Variants in MAGI2 observed in about 807,000 individuals in gnomAD.
MAGI2 encodes the protein membrane associated guanylate kinase, WW and PDZ domain containing 2.
MAGI2 carries 35 observed loss-of-function variants against 133.3 expected under a neutral mutation model. The ratio of observed to expected loss-of-function variants is 0.26; its 90% CI spans 0.20 to 0.35. The LOEUF is 0.35. Ranked by LOEUF, MAGI2 falls within the 10% of genes least tolerant of loss-of-function variation. The probability of loss-of-function intolerance (pLI) is 1.00; values close to 1 mark genes in which losing one functional copy is unlikely to be tolerated. For synonymous variants in MAGI2, 729 were observed against 710.6 expected, an observed-to-expected ratio of 1.03 and a Z score of -0.41; for missense variants, 1,636 against 1,863.4, an observed-to-expected ratio of 0.88 and a Z score of 2.25.
chr7:79,210,098 T>C (rs1248767835), intron 1 of MAGI2, among the ~76,000 whole-genome samples: 4 of 152,178 alleles, frequency 2.6e-5, no homozygotes, highest in Admixed American at 1.3e-4. Context: ...TCTTTCTCTT[T>C]TGATTTCATG....
chr7:79,101,428 G>A (rs1817956752), intron 1 of MAGI2, among the ~76,000 whole-genome samples: 1 of 152,048 alleles, frequency 6.6e-6, no homozygotes, highest in Non-Finnish European at 1.5e-5. Context: ...GATGGTTTTA[G>A]AAAAAGGAAA....
At chr7:78,555,200 G>GGATGGATAGATA (rs1319456396) in intron 3 of MAGI2, among the ~76,000 whole-genome samples, 1,770 of 92,698 alleles carry the variant, frequency 0.019, 17 homozygotes, top group Non-Finnish European at 0.03. Context: ...TTGGATGGAT[G>GGATGGATAGATA]GATAGATAGA....
intron 6 of MAGI2, among the ~76,000 whole-genome samples, chr7:78,478,159 T>G (rs561258443): frequency 1.1e-4 from 16 of 151,860 alleles, no homozygotes; most frequent in African/African-American, 3.6e-4. Context: ...CACTTATGAG[T>G]GATTTGGTAT....
At chr7:79,329,504 T>C (rs1326376848) in intron 1 of MAGI2, among the ~76,000 whole-genome samples, 1 of 152,236 alleles carries the variant, frequency 6.6e-6, no homozygotes, top group Non-Finnish European at 1.5e-5. Flanking sequence ...TAGTATGACT[T>C]CTTAGTATGG....
chr7:78,964,930 G>T (rs912388175), intron 2 of MAGI2, among the ~76,000 whole-genome samples: 1 of 151,790 alleles, frequency 6.6e-6, no homozygotes, highest in Non-Finnish European at 1.5e-5. Context: ...TGGAGTAAAG[G>T]CTTATTTCTT....
chr7:79,007,923 C>A (rs1353944020), intron 1 of MAGI2, among the ~76,000 whole-genome samples: 1 of 151,172 alleles, frequency 6.6e-6, no homozygotes, highest in Non-Finnish European at 1.5e-5. Context: ...TCAATTCAAA[C>A]AATTTTGCGA....
chr7:78,642,499 G>GTAA (rs755086658), intron 2 of MAGI2, among the ~76,000 whole-genome samples: 28 of 152,218 alleles, frequency 1.8e-4, no homozygotes, highest in Middle Eastern at 3.4e-3. Context: ...AATATATTCA[G>GTAA]TAATCATTTA....
At position 78,079,201 on chromosome 7, in the gene MAGI2, G is replaced by T. The variant is rs1815695346; in HGVS notation, c.3568-116C>A. Reference sequence around the variant, plus strand: ...CTGAGAGCATCCGAACAATTTGGTGGCAGCCTGCTGCTTTTTGGAAGAGGC... The same window carrying T: ...CTGAGAGCATCCGAACAATTTGGTGTCAGCCTGCTGCTTTTTGGAAGAGGC... On this transcript the variant is annotated intron_variant, in intron 20 of 21. Coordinates refer to ENST00000354212, the MANE Select transcript of MAGI2 (RefSeq NM_012301.4). The T allele has an allele frequency of 9.6e-6, 9 of 936,038 alleles. No individual in the cohort carries two copies. The South Asian group carries it at 1.0e-4, about 11-fold the overall frequency. The allele number at this position is 936,038 out of a possible 1,614,324, so 58.0% of individuals were successfully genotyped here.
intron 1 of MAGI2, among the ~76,000 whole-genome samples, chr7:79,089,891 T>C (rs1299357357): frequency 6.6e-6 from 1 of 151,916 alleles, no homozygotes; most frequent in Admixed American, 6.6e-5. Context: ...ATACCTAATG[T>C]AGATGATGGG....
chr7:79,396,160 G>T (rs1229897907), intron 1 of MAGI2, among the ~76,000 whole-genome samples: 3 of 151,968 alleles, frequency 2.0e-5, no homozygotes, highest in Non-Finnish European at 4.4e-5. Context: ...CTCATAACTA[G>T]ATTGCATTTG....
At chr7:79,417,318 C>T (rs182604114) in intron 1 of MAGI2, among the ~76,000 whole-genome samples, 2 of 152,222 alleles carry the variant, frequency 1.3e-5, no homozygotes, top group Admixed American at 1.3e-4. Flanking sequence ...CAGAGCTCTC[C>T]TCCATTGATA....
chr7:78,171,889 GT>G (rs889314720), intron 14 of MAGI2, among the ~76,000 whole-genome samples: 24 of 88,552 alleles, frequency 2.7e-4, no homozygotes, highest in African/African-American at 1.2e-3. Flanking sequence ...GGGTTTTTTT[GT>G]TTGTTTGTTT....
chr7:78,505,084 T>G (rs1794967082), intron 4 of MAGI2, among the ~76,000 whole-genome samples: 2 of 152,164 alleles, frequency 1.3e-5, no homozygotes, highest in Admixed American at 1.3e-4. Context: ...GGAAGAAGTT[T>G]CTTTTACATA....
rs190240438 is a variant in MAGI2 at position 78,288,381 on chromosome 7, T to G, written c.1409-31800A>C. Among the ~76,000 whole-genome samples, 6 of 152,334 alleles carry G rather than the reference T, an allele frequency of 3.9e-5. No homozygotes were observed. The East Asian group carries it at 1.2e-3, about 29-fold the overall frequency. On this transcript the variant is annotated intron_variant, in intron 9 of 21. Coordinates refer to ENST00000354212, the MANE Select transcript of MAGI2 (RefSeq NM_012301.4). ...AACAATATTAACAGTAATTCAAAATTAAAGTAATCATGTACTGTTTAACTT... is the reference window on the plus strand; with the variant it reads ...AACAATATTAACAGTAATTCAAAATGAAAGTAATCATGTACTGTTTAACTT...
chr7:78,110,052 C>T (rs962562425), intron 20 of MAGI2, among the ~76,000 whole-genome samples: 2 of 152,138 alleles, frequency 1.3e-5, no homozygotes, highest in East Asian at 1.9e-4. Context: ...CGGGAGCTTG[C>T]CCCCAATTCC....
rs191616070 is a variant in MAGI2 at position 78,481,857 on chromosome 7, A to T, written c.1045+7904T>A. 2.0e-5 allele frequency among the ~76,000 whole-genome samples: 3 copies of T among 152,054 alleles called. No individual in the cohort carries two copies. In the East Asian group the frequency reaches 5.8e-4, roughly 30 times the overall value. On this transcript the variant is annotated intron_variant, in intron 6 of 21. Transcript: ENST00000354212. ...ATTGGGACCTGGGGCTAGATTGAAG[A>T]GTTCTTAGACTTGATACCAAAAGTC... is the stretch of plus-strand genomic sequence containing the variant.
intron 2 of MAGI2, among the ~76,000 whole-genome samples, chr7:78,951,918 A>G (rs1336879678): frequency 6.6e-6 from 1 of 152,062 alleles, no homozygotes; most frequent in Non-Finnish European, 1.5e-5. Flanking sequence ...CCACCAGACT[A>G]TTTCTTCTCT....
intron 1 of MAGI2, among the ~76,000 whole-genome samples, chr7:79,333,281 C>G (rs901252026): frequency 6.6e-6 from 1 of 152,126 alleles, no homozygotes; most frequent in African/African-American, 2.4e-5. Context: ...GCACGTGCCA[C>G]CATGCCCAGC....
intron 15 of MAGI2, among the ~76,000 whole-genome samples, chr7:78,167,326 G>A (rs114417696): frequency 3.3e-5 from 5 of 152,302 alleles, no homozygotes; most frequent in Admixed American, 1.3e-4. Context: ...TGAAAAGTAT[G>A]TCTTTGGTGG....
Sources: allele counts gnomAD v4.1 joint callset (sites outside exome capture counted in the v4.1 genomes callset), GRCh38; gene constraint gnomAD v4.1.1; transcripts MANE v1.5; gene names NCBI Gene and HGNC (gene_info 2026-07-23, HGNC 2026-07-21).